The following CALN1 variants were observed in gnomAD, a reference collection of about 807,000 sequenced individuals.
The protein encoded by CALN1 is calcium-binding protein 8.
In CALN1, 17 loss-of-function variants were observed where a neutral mutation model predicts 30.6. That is an observed-to-expected ratio of 0.56 (90% CI 0.38 to 0.83). The LOEUF is 0.83. CALN1 is among the 40% of genes least tolerant of loss of function. The probability of loss-of-function intolerance (pLI) is 0.00; values close to 1 mark genes in which losing one functional copy is unlikely to be tolerated. For synonymous variants in CALN1, 156 were observed against 131.4 expected (o/e 1.19, Z -1.28); for missense variants, 291 against 354.9 (o/e 0.82, Z 1.45).
At chr7:71,923,813 GC>G (rs1795110690) in intron 5 of CALN1, among the ~76,000 whole-genome samples, 1 of 151,918 alleles carries the variant, frequency 6.6e-6, no homozygotes, top group Non-Finnish European at 1.5e-5. Context: ...CCTCCCTGTG[GC>G]CCCCACTAAC....
intron 1 of CALN1, among the ~76,000 whole-genome samples, chr7:72,407,980 CTT>C (rs1388125672): frequency 6.6e-6 from 1 of 152,134 alleles, no homozygotes; most frequent in Non-Finnish European, 1.5e-5. Flanking sequence ...AGAAGGGAGA[CTT>C]TGATTCTCCC....
chr7:72,288,715 A>C (rs1798268108), intron 2 of CALN1, among the ~76,000 whole-genome samples: 1 of 152,094 alleles, frequency 6.6e-6, no homozygotes, highest in Admixed American at 6.5e-5. Flanking sequence ...TTACTCATTC[A>C]ATTTCTTCTG....
At chr7:72,088,701 GAA>G (rs71069024) in intron 4 of CALN1, among the ~76,000 whole-genome samples, 92 of 72,458 alleles carry the variant, frequency 1.3e-3, no homozygotes, top group East Asian at 6.2e-3. Flanking sequence ...TCCATCTCAA[GAA>G]AAAAAAAAAA....
chr7:71,794,516 A>G (rs527467524), intron 6 of CALN1, among the ~76,000 whole-genome samples: 2 of 152,358 alleles, frequency 1.3e-5, no homozygotes, highest in African/African-American at 4.8e-5. Flanking sequence ...AGCCCCGGAC[A>G]AATGAAGGAA....
At chr7:72,216,590 C>T (rs1227035040) in intron 3 of CALN1, among the ~76,000 whole-genome samples, 1 of 152,006 alleles carries the variant, frequency 6.6e-6, no homozygotes, top group Non-Finnish European at 1.5e-5. Flanking sequence ...GCTCTCTAAG[C>T]TCTTGTCACC....
chr7:72,213,196 T>G (rs1792534935), intron 3 of CALN1, among the ~76,000 whole-genome samples: 3 of 152,264 alleles, frequency 2.0e-5, no homozygotes, highest in African/African-American at 7.2e-5. Flanking sequence ...TAAAAACAAC[T>G]AAACATTTGT....
chr7:71,829,735 A>G (rs1789147771), intron 5 of CALN1, among the ~76,000 whole-genome samples: 1 of 152,208 alleles, frequency 6.6e-6, no homozygotes, highest in Non-Finnish European at 1.5e-5. Flanking sequence ...ACTCTATTCA[A>G]TACCTGGGAG....
chr7:72,095,686 T>C (rs931706536), intron 4 of CALN1, among the ~76,000 whole-genome samples: 4 of 152,092 alleles, frequency 2.6e-5, no homozygotes, highest in African/African-American at 9.7e-5. Flanking sequence ...TGCCTCAGAC[T>C]AGGGTATCTC....
At chr7:71,790,346 G>A (rs58929363) in intron 6 of CALN1, among the ~76,000 whole-genome samples, 10,871 of 93,610 alleles carry the variant, frequency 0.12, 821 homozygotes, top group East Asian at 0.39. Flanking sequence ...AAGAAAGAAA[G>A]AAAAGAAAGA....
intron 1 of CALN1, among the ~76,000 whole-genome samples, chr7:72,442,467 G>T (rs1381112896): frequency 6.6e-6 from 1 of 152,194 alleles, no homozygotes; most frequent in Non-Finnish European, 1.5e-5. Flanking sequence ...ATGTAGGGTT[G>T]CACTTATTTA....
At chr7:72,409,308 A>G (rs1806942717) in intron 1 of CALN1, among the ~76,000 whole-genome samples, 1 of 151,736 alleles carries the variant, frequency 6.6e-6, no homozygotes, top group African/African-American at 2.4e-5. Flanking sequence ...ATACTCTTAA[A>G]TGGACCTCTG....
chr7:72,097,275 T>C (rs1446263309), intron 4 of CALN1, among the ~76,000 whole-genome samples: 1 of 152,164 alleles, frequency 6.6e-6, no homozygotes, highest in Non-Finnish European at 1.5e-5. Flanking sequence ...AACCTGCACG[T>C]TGTGCACATG....
intron 5 of CALN1, among the ~76,000 whole-genome samples, chr7:71,974,375 GCCA>G (rs1797995697): frequency 8.2e-6 from 1 of 121,854 alleles, no homozygotes; most frequent in African/African-American, 3.2e-5. Context: ...CTGACATCAT[GCCA>G]CTGCACTCCA....
chr7:72,488,885 T>G, the CALN1 span, among the ~76,000 whole-genome samples: 1 of 152,208 alleles, frequency 6.6e-6, no homozygotes, highest in Non-Finnish European at 1.5e-5. Context: ...GGTCTCACTA[T>G]GTTGCCCAGG....
intron 1 of CALN1, among the ~76,000 whole-genome samples, chr7:72,421,065 G>A (rs1247685504): frequency 3.9e-5 from 6 of 152,086 alleles, no homozygotes; most frequent in Non-Finnish European, 5.9e-5. Flanking sequence ...CGTCCAGTGC[G>A]TTTTTAGAGT....
At chr7:72,149,732 T>A (rs1006311263) in intron 3 of CALN1, among the ~76,000 whole-genome samples, 1 of 152,056 alleles carries the variant, frequency 6.6e-6, no homozygotes, top group Admixed American at 6.6e-5. Context: ...TGAAATCTTT[T>A]CTCTTTTGCA....
intron 4 of CALN1, among the ~76,000 whole-genome samples, chr7:72,076,599 GA>G (rs1277903813): frequency 2.1e-3 from 62 of 29,448 alleles, no homozygotes; most frequent in Non-Finnish European, 3.4e-3. Context: ...ACTCCGTCTA[GA>G]AAAAAAAAAG....
intron 2 of CALN1, among the ~76,000 whole-genome samples, chr7:72,398,965 C>A (rs1353031115): frequency 6.6e-6 from 1 of 152,196 alleles, no homozygotes; most frequent in Non-Finnish European, 1.5e-5. Context: ...TCCTTTCAGA[C>A]CTCCATGCCA....
intron 5 of CALN1, among the ~76,000 whole-genome samples, chr7:71,953,153 T>C (rs1243591318): frequency 6.6e-6 from 1 of 152,072 alleles, no homozygotes; most frequent in African/African-American, 2.4e-5. Flanking sequence ...GAACGGGATC[T>C]CGTTATGTTG....
Sources: allele counts gnomAD v4.1 joint callset (sites outside exome capture counted in the v4.1 genomes callset), GRCh38; gene constraint gnomAD v4.1.1; transcripts MANE v1.5; gene names NCBI Gene and HGNC (gene_info 2026-07-23, HGNC 2026-07-21).